RGS7: variants seen among roughly 807,000 people sequenced by gnomAD.
RGS7 encodes regulator of G-protein signaling 7.
Under a neutral mutation model 81.1 loss-of-function variants are expected in RGS7, and 27 were observed. The ratio of observed to expected loss-of-function variants is 0.33; its 90% CI spans 0.25 to 0.46. The LOEUF (loss-of-function observed/expected upper bound fraction) is 0.46, where lower values mean the gene tolerates loss of function less well. Ranked by LOEUF, RGS7 falls within the 20% of genes least tolerant of loss-of-function variation. The pLI is 1.00. For synonymous variants in RGS7, 208 were observed against 207.7 expected (o/e 1.00, Z -0.01); for missense variants, 396 against 607.4 (o/e 0.65, Z 3.66).
At chr1:240,923,374 T>A (rs1481223611) in intron 6 of RGS7, among the ~76,000 whole-genome samples, 1 of 152,112 alleles carries the variant, frequency 6.6e-6, no homozygotes, top group African/African-American at 2.4e-5. Context: ...ACAAACATAC[T>A]ATATTATGGT....
chr1:241,015,206 A>G (rs2059160134), intron 3 of RGS7, among the ~76,000 whole-genome samples: 1 of 152,234 alleles, frequency 6.6e-6, no homozygotes, highest in South Asian at 2.1e-4. Flanking sequence ...TTGGAAGCTG[A>G]GAAATAGCTA....
chr1:241,221,513 T>A (rs2075011690), intron 2 of RGS7, among the ~76,000 whole-genome samples: 1 of 152,232 alleles, frequency 6.6e-6, no homozygotes, highest in African/African-American at 2.4e-5. Context: ...CAATGAAGCC[T>A]ACCCATACAT....
At chr1:241,040,910 C>T (rs556726122) in intron 3 of RGS7, among the ~76,000 whole-genome samples, 1 of 152,246 alleles carries the variant, frequency 6.6e-6, no homozygotes, top group South Asian at 2.1e-4. Context: ...ATTACTCTTC[C>T]CTGGGAACAT....
intron 2 of RGS7, among the ~76,000 whole-genome samples, chr1:241,287,629 T>A (rs1458754508): frequency 6.6e-6 from 1 of 152,152 alleles, no homozygotes; most frequent in Non-Finnish European, 1.5e-5. Flanking sequence ...CCGGTTTTAT[T>A]TTTTTGTAAC....
chr1:241,356,506 G>A (rs896885900), intron 1 of RGS7, among the ~76,000 whole-genome samples: 2 of 152,154 alleles, frequency 1.3e-5, no homozygotes, highest in African/African-American at 4.8e-5. Flanking sequence ...ATATGTCCCG[G>A]CAACAAGAAC....
chr1:240,834,425 A>C (rs1694335691), intron 9 of RGS7, among the ~76,000 whole-genome samples: 1 of 152,218 alleles, frequency 6.6e-6, no homozygotes, highest in Non-Finnish European at 1.5e-5. Flanking sequence ...GAAGCTGTGG[A>C]AAGTGGGCAG....
At chr1:241,051,723 T>C (rs908359028) in intron 3 of RGS7, among the ~76,000 whole-genome samples, 2 of 152,292 alleles carry the variant, frequency 1.3e-5, no homozygotes, top group Middle Eastern at 3.4e-3. Flanking sequence ...AGAACCAAGA[T>C]GCATGCATTT....
chr1:241,301,481 G>A (rs1229517380), intron 2 of RGS7, among the ~76,000 whole-genome samples: 1 of 152,156 alleles, frequency 6.6e-6, no homozygotes, highest in Non-Finnish European at 1.5e-5. Context: ...GAATATTTAG[G>A]GATGATGGTT....
chr1:240,815,723 C>T (rs189637093), intron 11 of RGS7, among the ~76,000 whole-genome samples: 1 of 152,240 alleles, frequency 6.6e-6, no homozygotes, highest in African/African-American at 2.4e-5. Context: ...CTGAACCAAT[C>T]ATGAGATTAT....
chr1:240,904,748 G>A (rs1405943741), intron 6 of RGS7, among the ~76,000 whole-genome samples: 1 of 152,164 alleles, frequency 6.6e-6, no homozygotes, highest in Non-Finnish European at 1.5e-5. Context: ...AATCAAGCTG[G>A]ATGATACTGG....
At chr1:241,292,422 G>A (rs1472142649) in intron 2 of RGS7, among the ~76,000 whole-genome samples, 2 of 152,106 alleles carry the variant, frequency 1.3e-5, no homozygotes, top group South Asian at 2.1e-4. Context: ...AACTACTCCC[G>A]GGAAAGGGAC....
intron 3 of RGS7, among the ~76,000 whole-genome samples, chr1:241,032,379 C>T (rs559612387): frequency 1.2e-4 from 19 of 152,188 alleles, no homozygotes; most frequent in Admixed American, 3.9e-4. Context: ...TTATTGTATC[C>T]TTGCAGTATA....
intron 3 of RGS7, among the ~76,000 whole-genome samples, chr1:240,999,520 C>T (rs1687808392): frequency 6.6e-6 from 1 of 152,174 alleles, no homozygotes; most frequent in African/African-American, 2.4e-5. Context: ...TTAACTCTGT[C>T]ATCTCAATCT....
intron 4 of RGS7, among the ~76,000 whole-genome samples, chr1:240,953,894 A>G (rs761929380): frequency 2.0e-5 from 3 of 152,078 alleles, no homozygotes; most frequent in Non-Finnish European, 4.4e-5. Context: ...GACTCAAATT[A>G]CCAATATCAG....
intron 2 of RGS7, among the ~76,000 whole-genome samples, chr1:241,131,516 A>T (rs745391868): frequency 3.9e-5 from 6 of 152,148 alleles, no homozygotes; most frequent in Admixed American, 1.3e-4. Context: ...ACACTTTGAG[A>T]ACTACTGTTT....
intron 3 of RGS7, among the ~76,000 whole-genome samples, chr1:240,995,085 A>G (rs766896620): frequency 2.0e-5 from 3 of 152,126 alleles, no homozygotes; most frequent in African/African-American, 4.8e-5. Flanking sequence ...TAGCTTTTCT[A>G]TATTGGCTAA....
At chr1:240,834,872 A>T (rs1209993360) in intron 9 of RGS7, among the ~76,000 whole-genome samples, 1 of 151,556 alleles carries the variant, frequency 6.6e-6, no homozygotes, top group Non-Finnish European at 1.5e-5. Context: ...CAGGAGAGTG[A>T]CTTCATATGA....
chr1:240,900,652 G>C (rs886957348), intron 6 of RGS7, among the ~76,000 whole-genome samples: 1 of 152,122 alleles, frequency 6.6e-6, no homozygotes, highest in Non-Finnish European at 1.5e-5. Flanking sequence ...CCTTCCTCTG[G>C]AAGCTTCATC....
chr1:241,101,874 T>C (rs1414555433), intron 2 of RGS7, among the ~76,000 whole-genome samples: 2 of 152,234 alleles, frequency 1.3e-5, no homozygotes, highest in East Asian at 1.9e-4. Flanking sequence ...CAGTCACCTC[T>C]GCTTCGGGCT....
Sources: allele counts gnomAD v4.1 joint callset (sites outside exome capture counted in the v4.1 genomes callset), GRCh38; gene constraint gnomAD v4.1.1; transcripts MANE v1.5; gene names NCBI Gene and HGNC (gene_info 2026-07-23, HGNC 2026-07-21).